Variants in SH3BP4 observed in about 807,000 individuals in gnomAD.
The protein encoded by SH3BP4 is SH3 domain-binding protein 4.
In SH3BP4, 33 loss-of-function variants were observed where a neutral mutation model predicts 65.5. The ratio of observed to expected loss-of-function variants is 0.50; its 90% confidence interval spans 0.38 to 0.67. The LOEUF is 0.67. SH3BP4 is among the 30% of genes least tolerant of loss of function. The pLI is 0.00. For synonymous variants in SH3BP4, 552 were observed against 545.5 expected (o/e 1.01, Z -0.17); for missense variants, 1,134 against 1,261.4 (o/e 0.90, Z 1.53).
intron 1 of SH3BP4, among the ~76,000 whole-genome samples, chr2:234,983,851 C>G (rs1367682484): frequency 2.0e-5 from 3 of 152,230 alleles, no homozygotes; most frequent in Admixed American, 6.5e-5. Context: ...GCAGCTCACC[C>G]CCTCGGAGCC....
rs543008401 is a variant in SH3BP4, at chr2:235,030,039, G to A, written c.-132-4832G>A. Among the ~76,000 whole-genome samples, 7 of 152,190 alleles carry A rather than the reference G, an allele frequency of 4.6e-5. No individual in the cohort carries two copies. Among genetic ancestry groups the A allele is most frequent in the East Asian group, 3.9e-4 (2 of 5,194 alleles). On this transcript the variant is annotated intron_variant, in intron 2 of 5. Coordinates refer to ENST00000392011, the MANE Select transcript of SH3BP4 (RefSeq NM_014521.3). This position sits in a 1 kb window ranked among gnomAD's most constrained non-coding sequence, Gnocchi z 4.1. The stretch of plus-strand genomic sequence containing the variant: ...AGTGATTGATTGAAGGGTTGAGATC[G>A]GCAATATGTAACCCTGGAGGTACAG...
In SH3BP4 at chr2:235,035,138, A is replaced by G. The variant is rs753943544; in HGVS notation, c.118+18A>G. ...CATCAAAGGTGAGCTTCTGGGGAAC[A>G]GGACTGTGGCTAAGGGAGAACGTTG... On this transcript the variant is annotated intron_variant, in intron 3 of 5. Coordinates refer to ENST00000392011, the MANE Select transcript of SH3BP4 (RefSeq NM_014521.3). This position sits in a 1 kb window ranked among gnomAD's most constrained non-coding sequence, Gnocchi z 5.0. 2.5e-6 allele frequency: 4 copies of G among 1,569,362 alleles called. No homozygotes were observed. The highest frequency in any genetic ancestry group is 2.2e-5 in the South Asian group (2 of 90,258).
intron 2 of SH3BP4, among the ~76,000 whole-genome samples, chr2:235,024,565 C>T (rs1471567152): frequency 2.0e-5 from 3 of 152,096 alleles, no homozygotes; most frequent in Non-Finnish European, 4.4e-5. Context: ...GAAGCCGCCT[C>T]CCCCTCTCCA....
intron 1 of SH3BP4, chr2:234,994,801 T>C (rs4663177): frequency 0.39 from 60,057 of 152,210 alleles, 12,720 homozygotes; most frequent in East Asian, 0.74. Flanking sequence ...CGGAACGTGA[T>C]GCAGAGGCCA....
rs901849782 is a variant in SH3BP4 at position 234,977,319 on chromosome 2, T to C, written c.-206-17984T>C. 5.9e-5 allele frequency among the ~76,000 whole-genome samples: 9 copies of C among 152,126 alleles called. No individual in the cohort carries two copies. Among genetic ancestry groups the C allele is most frequent in the Non-Finnish European group, 1.3e-4 (9 of 68,000 alleles). On this transcript the variant is annotated intron_variant, in intron 1 of 5. Transcript: ENST00000392011. The surrounding 1 kb of genome is among the most constrained non-coding windows in gnomAD (Gnocchi z 5.1). ...CCCTCGCTTGGTGCGCCATGGCAGC[T>C]GGGCCCAGGCCTCCCAGTTGGGCCG...
At chr2:234,986,336 C>T (rs1019548392) in intron 1 of SH3BP4, among the ~76,000 whole-genome samples, 2 of 152,194 alleles carry the variant, frequency 1.3e-5, no homozygotes, top group Non-Finnish European at 2.9e-5. Flanking sequence ...ACTGATGTTT[C>T]CCAGATATTT....
chr2:235,007,796 A>G (rs117276704), intron 2 of SH3BP4, among the ~76,000 whole-genome samples: 1,558 of 152,268 alleles, frequency 0.01, 73 homozygotes, highest in Admixed American at 0.081. Flanking sequence ...CTGAGGAGGC[A>G]GGGTAGAGAC....
At chr2:235,009,863 C>T (rs535488005) in intron 2 of SH3BP4, among the ~76,000 whole-genome samples, 190 of 152,190 alleles carry the variant, frequency 1.2e-3, no homozygotes, top group Non-Finnish European at 2.0e-3. Context: ...CAGCTAAGAG[C>T]GTCTTTGTGG....
At chr2:234,995,176 C>G (rs1229361006) in intron 1 of SH3BP4, 127 bp from the exon 2 acceptor site, 2 of 152,394 alleles carry the variant, frequency 1.3e-5, no homozygotes, top group East Asian at 3.9e-4. Flanking sequence ...CCATCCTCAC[C>G]TGCTGTGGAA....
In SH3BP4 at chr2:235,052,626, C is replaced by G; in HGVS notation, c.2543C>G (p.Thr848Ser). The change falls in exon 5 of 6, where the codon ACC (threonine) becomes AGC (serine). Residue 848 changes from threonine (T) to serine (S), a missense_variant. Thr to Ser is a moderately conservative substitution (Grantham distance 58). Transcript: ENST00000392011. The surrounding 1 kb of genome is among the most constrained non-coding windows in gnomAD (Gnocchi z 5.0). ...VRLIQDFVLL[T>S]TAVEVAQRWR... ...CTCATCCAGGACTTTGTGCTCCTGA[C>G]CACGGCTGTAGAGGTGGCCCAGCGC... 1 of 1,568,630 alleles carries G rather than the reference C, an allele frequency of 6.4e-7. No individual in the cohort carries two copies. Among genetic ancestry groups the G allele is most frequent in the Non-Finnish European group, 8.6e-7 (1 of 1,157,350 alleles).
intron 1 of SH3BP4, among the ~76,000 whole-genome samples, chr2:234,953,464 A>G (rs952235058): frequency 6.6e-6 from 1 of 152,136 alleles, no homozygotes; most frequent in East Asian, 1.9e-4. Context: ...TCTGCTGGCC[A>G]CGAGTCCCCT....
In SH3BP4 at chr2:234,977,802, T is replaced by C. The variant is rs1693214868; in HGVS notation, c.-206-17501T>C. 6.6e-6 allele frequency among the ~76,000 whole-genome samples: 1 copy of C among 152,058 alleles called. No homozygotes were observed. The highest frequency in any genetic ancestry group is 2.1e-4 in the South Asian group (1 of 4,820). Reference sequence around the variant, plus strand: ...ACACGCACACGCATATGCACACACATGGGCACACACACACATGCGTGCACA... The same window carrying C: ...ACACGCACACGCATATGCACACACACGGGCACACACACACATGCGTGCACA... On this transcript the variant is annotated intron_variant, in intron 1 of 5. Coordinates refer to ENST00000392011, the MANE Select transcript of SH3BP4 (RefSeq NM_014521.3). This position sits in a 1 kb window ranked among gnomAD's most constrained non-coding sequence, Gnocchi z 5.1.
rs1444984551 is a variant in SH3BP4 at position 235,054,956 on chromosome 2, A to G, written c.*1140A>G. The stretch of plus-strand genomic sequence containing the variant: ...TCCTCGGAAGGAAGTCATAGTTTAG[A>G]TGAAACCATTTTTTGTACAATGTAA... On this transcript the variant is annotated 3_prime_UTR_variant, in exon 6 of 6. Coordinates refer to ENST00000392011, the MANE Select transcript of SH3BP4 (RefSeq NM_014521.3). The G allele has an allele frequency of 1.3e-5, 2 of 152,230 alleles. No homozygotes were observed. The highest frequency in any genetic ancestry group is 2.9e-5 in the Non-Finnish European group (2 of 68,048). The allele number at this position is 152,230 out of a possible 1,614,324, so 9.4% of individuals were successfully genotyped here.
In SH3BP4 at chr2:235,032,728, G is replaced by A. The variant is rs537002048; in HGVS notation, c.-132-2143G>A. Among the ~76,000 whole-genome samples, 6 of 151,894 alleles carry A rather than the reference G, an allele frequency of 4.0e-5. 1 individual carries two copies. In the South Asian group the frequency reaches 1.0e-3, roughly 26 times the overall value. ...GGGGCGAGGGTGCTGTGCCGTCAGC[G>A]CTGAGCCTCAGCGTGCCAGACCCCA... On this transcript the variant is annotated intron_variant, in intron 2 of 5. Coordinates refer to ENST00000392011, the MANE Select transcript of SH3BP4 (RefSeq NM_014521.3).
In SH3BP4 at chr2:234,991,958, G is replaced by A. The variant is rs1035026741; in HGVS notation, c.-206-3345G>A. The stretch of plus-strand genomic sequence containing the variant: ...CCCCATACTTAGGCATGAGGTATGA[G>A]TTTACCCAATCATCCCCCTGTCCAG... On this transcript the variant is annotated intron_variant, in intron 1 of 5. Transcript: ENST00000392011. This position sits in a 1 kb window ranked among gnomAD's most constrained non-coding sequence, Gnocchi z 4.2. Among the ~76,000 whole-genome samples the A allele has an allele frequency of 3.3e-5, 5 of 152,216 alleles. No individual in the cohort carries two copies. The highest frequency in any genetic ancestry group is 2.1e-4 in the South Asian group (1 of 4,834).
intron 2 of SH3BP4, among the ~76,000 whole-genome samples, chr2:235,001,251 C>G (rs529818875): frequency 6.6e-6 from 1 of 152,152 alleles, no homozygotes; most frequent in Non-Finnish European, 1.5e-5. Context: ...TCTGTGAAAC[C>G]CCTGAAACTG....
At position 235,038,214 on chromosome 2, in the gene SH3BP4, A is replaced by G. The variant is rs528632119; in HGVS notation, c.119-2674A>G. ...ATATATATATACACATATATATAAT[A>G]TATATATAAAGGATATATGTATTTT... On this transcript the variant is annotated intron_variant, in intron 3 of 5. Transcript: ENST00000392011. Among the ~76,000 whole-genome samples, 172 of 124,568 alleles carry G rather than the reference A, an allele frequency of 1.4e-3. 2 individuals carry two copies. The highest frequency in any genetic ancestry group is 5.0e-3 in the African/African-American group (166 of 33,196). 81.7% of individuals were successfully genotyped at this position (124,568 alleles called of 152,430 possible). A position where few individuals can be genotyped will look rare whatever the true frequency, so the allele number is the denominator to read the frequency against.
chr2:235,022,523 A>G (rs942676269), intron 2 of SH3BP4, among the ~76,000 whole-genome samples: 2 of 149,912 alleles, frequency 1.3e-5, no homozygotes, highest in Non-Finnish European at 3.0e-5. Flanking sequence ...TCTGTCTCCA[A>G]AAAAAAAAAG....
chr2:235,016,612 G>A (rs1208394573), intron 2 of SH3BP4, among the ~76,000 whole-genome samples: 2 of 152,052 alleles, frequency 1.3e-5, no homozygotes, highest in Admixed American at 6.6e-5. Context: ...GAGTTCAAGC[G>A]ATTCTCCTGC....
Sources: allele counts gnomAD v4.1 joint callset (sites outside exome capture counted in the v4.1 genomes callset), GRCh38; gene constraint gnomAD v4.1.1; non-coding constraint Gnocchi (gnomAD v3.1); transcripts MANE v1.5; gene names NCBI Gene and HGNC (gene_info 2026-07-23, HGNC 2026-07-21).